The following CCDC33 variants were observed in gnomAD, a reference collection of about 807,000 sequenced individuals.
CCDC33 encodes the protein coiled-coil domain containing 33, also known as coiled-coil domain-containing protein 33.
Under a neutral mutation model 91.9 loss-of-function variants are expected in CCDC33, and 94 were observed. That is an observed-to-expected ratio of 1.02 (90% CI 0.87 to 1.21). The LOEUF is 1.21. Ranked by LOEUF, CCDC33 falls within the 50% of genes most tolerant of loss-of-function variation. CCDC33 has a pLI of 0.00. For synonymous variants in CCDC33, 396 were observed against 374.5 expected (o/e 1.06, Z -0.66); for missense variants, 940 against 935.5 (o/e 1.00, Z -0.06).
At chr15:74,298,707 GC>G (rs2059735308) in intron 11 of CCDC33, among the ~76,000 whole-genome samples, 1 of 103,864 alleles carries the variant, frequency 9.6e-6, no homozygotes, top group African/African-American at 3.4e-5. Flanking sequence ...GGCTAATTCT[GC>G]CTTTTTTTTT....
chr15:74,297,496 C>A (rs564172936), intron 11 of CCDC33, among the ~76,000 whole-genome samples: 3 of 152,178 alleles, frequency 2.0e-5, no homozygotes, highest in African/African-American at 7.2e-5. Flanking sequence ...AGTTTGAGAC[C>A]AGCCCTGGCA....
chr15:74,292,372 C>T (rs1027992106), intron 10 of CCDC33, among the ~76,000 whole-genome samples: 1 of 152,178 alleles, frequency 6.6e-6, no homozygotes, highest in Non-Finnish European at 1.5e-5. Flanking sequence ...CCTTGAGAAG[C>T]AAGGGGCTGA....
At chr15:74,324,481 C>CG (rs2142840029) in intron 11 of CCDC33, among the ~76,000 whole-genome samples, 1 of 152,102 alleles carries the variant, frequency 6.6e-6, no homozygotes, top group South Asian at 2.1e-4. Flanking sequence ...AAGACTCAAG[C>CG]GGAAGGTGGT....
chr15:74,211,910 ACTCT>A, intron 2 of CCDC33, among the ~76,000 whole-genome samples: 1 of 138,602 alleles, frequency 7.2e-6, no homozygotes, highest in South Asian at 2.4e-4. Context: ...TCTCTCTATC[ACTCT>A]CTCTGTTGTT....
chr15:74,236,876 T>C lies in CCDC33; in HGVS notation c.21+136T>C, dbSNP rs1021812966. 7 of 835,442 alleles carry C rather than the reference T, an allele frequency of 8.4e-6. No individual in the cohort carries two copies. The East Asian group carries it at 1.3e-4, about 16-fold the overall frequency. The allele number at this position is 835,442 out of a possible 1,614,324, so 51.8% of individuals were successfully genotyped here. A position where few individuals can be genotyped will look rare whatever the true frequency, so the allele number is the denominator to read the frequency against. Reference sequence around the variant, plus strand: ...GGTCTCAGTTTTCACAGCTGTGAAATGGGGAGTGAGGTGGTCTCTGTGGCT... The same window carrying C: ...GGTCTCAGTTTTCACAGCTGTGAAACGGGGAGTGAGGTGGTCTCTGTGGCT... On this transcript the variant is annotated intron_variant, in intron 1 of 18. Coordinates refer to ENST00000398814, the MANE Select transcript of CCDC33 (RefSeq NM_025055.5).
At chr15:74,209,629 T>A (rs1049288702) in intron 2 of CCDC33, 4 of 597,804 alleles carry the variant, frequency 6.7e-6, no homozygotes, top group Non-Finnish European at 1.2e-5. Flanking sequence ...TCTGGAGTCC[T>A]GCTCTTCACC....
At chr15:74,297,473 G>C (rs866304361) in intron 11 of CCDC33, among the ~76,000 whole-genome samples, 1 of 152,068 alleles carries the variant, frequency 6.6e-6, no homozygotes, top group Admixed American at 6.5e-5. Context: ...TGGGAGGATC[G>C]CTTGAGCCCA....
intron 2 of CCDC33, among the ~76,000 whole-genome samples, chr15:74,223,795 C>CACAT (rs1491028504): frequency 5.2e-4 from 76 of 144,842 alleles, no homozygotes; most frequent in Non-Finnish European, 6.2e-4. Flanking sequence ...CACACACACA[C>CACAT]AGCAGACAGC....
At chr15:74,210,087 GCAGC>G (rs1294014997) in intron 2 of CCDC33, among the ~76,000 whole-genome samples, 1 of 152,220 alleles carries the variant, frequency 6.6e-6, no homozygotes, top group Non-Finnish European at 1.5e-5. Flanking sequence ...AGAAAGGGAA[GCAGC>G]CAGCCAGCTT....
intron 1 of CCDC33, chr15:74,209,252 A>G (rs2074330516): frequency 1.7e-6 from 2 of 1,161,248 alleles, no homozygotes; most frequent in Non-Finnish European, 2.5e-6. Context: ...TCGAAACTTG[A>G]TCTCCTTGGC....
In CCDC33 at chr15:74,272,826, TCCTTC is replaced by T. The variant is rs1334836296; in HGVS notation, c.698_702del (p.Phe233TyrfsTer8). ...TGTGGGGCTGCCCATCACCCCACTG[TCCTTC>T]CCTATCCCGTCCATGATGAACTTTG... is the stretch of plus-strand genomic sequence containing the variant. On this transcript the variant is annotated frameshift_variant, in exon 7 of 19. Transcript: ENST00000398814. LOFTEE classifies it high-confidence loss of function. The T allele has an allele frequency of 6.2e-7, 1 of 1,614,094 alleles. No individual in the cohort carries two copies. Among genetic ancestry groups the T allele is most frequent in the African/African-American group, 1.3e-5 (1 of 74,944 alleles).
intron 2 of CCDC33, among the ~76,000 whole-genome samples, chr15:74,222,437 TCCCAA>T (rs2074629195): frequency 6.6e-6 from 1 of 151,760 alleles, no homozygotes; most frequent in Admixed American, 6.6e-5. Context: ...ATTTACCTCT[TCCCAA>T]CAATCGCAGT....
In CCDC33 at chr15:74,266,728, T is replaced by C. The variant is rs1396457463; in HGVS notation, c.370T>C (p.Tyr124His). The change falls in exon 4 of 19, where the codon TAC (tyrosine) becomes CAC (histidine). Residue 124 changes from tyrosine to histidine, a missense_variant. Coordinates refer to ENST00000398814, the MANE Select transcript of CCDC33 (RefSeq NM_025055.5). ...CAGAAAGAAACAGGAGTTGTTGTCC[T>C]ACAAAATCCCCATCAAGTACCTGCG... ...DNRKKQELLS[Y>H]KIPIKYLRVF... 2 of 1,614,226 alleles carry C rather than the reference T, an allele frequency of 1.2e-6. No homozygotes were observed. The highest frequency in any genetic ancestry group is 1.7e-6 in the Non-Finnish European group (2 of 1,180,018).
At chr15:74,306,656 C>T (rs79372810) in intron 11 of CCDC33, among the ~76,000 whole-genome samples, 4,390 of 152,186 alleles carry the variant, frequency 0.029, 137 homozygotes, top group South Asian at 0.13. Flanking sequence ...ATTAATGGAG[C>T]GAATGCCTCC....
chr15:74,280,007 G>C lies in CCDC33; in HGVS notation c.804G>C (p.Gln268His), dbSNP rs1170434935. ...GGPPEQPLWNQSFLFQGRDGA... is the reference protein window; with the variant it reads ...GGPPEQPLWNHSFLFQGRDGA... ...CCCCAGAGCAGCCCCTGTGGAATCA[G>C]TCCTTCCTCTTCCAAGGCCGAGATG... Residue 268 changes from glutamine (Q) to histidine (H), a missense_variant, in exon 8 of 19, where the codon CAG (glutamine) becomes CAC (histidine). Gln to His is a conservative substitution (Grantham distance 24, BLOSUM62 0). Transcript: ENST00000398814. The C allele has an allele frequency of 6.2e-7, 1 of 1,614,072 alleles. No individual in the cohort carries two copies. Among genetic ancestry groups the C allele is most frequent in the Non-Finnish European group, 8.5e-7 (1 of 1,180,034 alleles).
chr15:74,330,699 A>G lies in CCDC33; in HGVS notation c.1493A>G (p.Asp498Gly). The G allele has an allele frequency of 6.2e-7, 1 of 1,613,680 alleles. No individual in the cohort carries two copies. The highest frequency in any genetic ancestry group is 1.3e-5 in the African/African-American group (1 of 75,028). The change falls in exon 13 of 19, where the codon GAT becomes GGT. Residue 498 changes from aspartate (D) to glycine (G), a missense_variant. By Grantham distance (94) the Asp-to-Gly change is moderately conservative. Coordinates refer to ENST00000398814, the MANE Select transcript of CCDC33 (RefSeq NM_025055.5). ...CAGAAACTGCTGCTGAGTGAGCTGGATATGAAGAAACTGAGGGACAGGGTG... is the reference window on the plus strand; with the variant it reads ...CAGAAACTGCTGCTGAGTGAGCTGGGTATGAAGAAACTGAGGGACAGGGTG... The part of the protein sequence containing the change: ...MKQKLLLSEL[D>G]MKKLRDRVQH...
intron 3 of CCDC33, among the ~76,000 whole-genome samples, chr15:74,264,739 C>T (rs1055798028): frequency 1.3e-5 from 2 of 152,148 alleles, no homozygotes; most frequent in Admixed American, 6.5e-5. Context: ...GTGACAACCA[C>T]GAGGAGCATT....
intron 1 of CCDC33, among the ~76,000 whole-genome samples, chr15:74,240,385 G>A (rs773409336): frequency 5.3e-5 from 8 of 152,164 alleles, no homozygotes; most frequent in Non-Finnish European, 1.2e-4. Context: ...CATGGCCCTA[G>A]GGAGCTCATG....
At chr15:74,331,557 G>A (rs768133501) in intron 15 of CCDC33, among the ~76,000 whole-genome samples, 13 of 152,270 alleles carry the variant, frequency 8.5e-5, no homozygotes, top group East Asian at 3.9e-4. Context: ...GCTAGAAAGA[G>A]GGTGGACCTC....
Sources: gnomAD v4.1 joint callset for allele counts (sites outside exome capture counted in the v4.1 genomes callset) on GRCh38, gnomAD v4.1.1 for gene constraint, MANE v1.5 for transcripts, NCBI Gene and HGNC (gene_info 2026-07-23, HGNC 2026-07-21) for gene names.